The following STAU2 variants were observed in gnomAD, a reference collection of about 807,000 sequenced individuals.
The protein encoded by STAU2 is double-stranded RNA-binding protein Staufen homolog 2.
A neutral mutation model predicts 65.9 loss-of-function variants in STAU2; 20 were observed. The observed-to-expected ratio is 0.30, with a 90% CI of 0.21 to 0.44. The LOEUF (loss-of-function observed/expected upper bound fraction) is 0.44, where lower values mean the gene tolerates loss of function less well. STAU2 is among the 20% of genes least tolerant of loss of function. The probability of loss-of-function intolerance (pLI) is 1.00; values close to 1 mark genes in which losing one functional copy is unlikely to be tolerated. For missense variants in STAU2, 558 were observed against 683.9 expected (o/e 0.82, Z 2.05); for synonymous variants, 232 against 233.9 (o/e 0.99, Z 0.07).
intron 13 of STAU2, among the ~76,000 whole-genome samples, chr8:73,499,570 G>A (rs1352187445): frequency 2.0e-5 from 3 of 151,864 alleles, no homozygotes; most frequent in African/African-American, 4.8e-5. Flanking sequence ...TAGGACAAGG[G>A]TGACTGTGGC....
chr8:73,564,465 A>G (rs958097272), intron 12 of STAU2, among the ~76,000 whole-genome samples: 4 of 152,098 alleles, frequency 2.6e-5, no homozygotes, highest in Non-Finnish European at 5.9e-5. Context: ...AGAGGGGAAT[A>G]ACACACACTG....
intron 6 of STAU2, among the ~76,000 whole-genome samples, chr8:73,659,733 C>G (rs1382562706): frequency 6.6e-6 from 1 of 152,004 alleles, no homozygotes; most frequent in Non-Finnish European, 1.5e-5. Flanking sequence ...TAAAACTAGC[C>G]TCAAATAAAA....
intron 13 of STAU2, chr8:73,549,752 T>C (rs902625225): frequency 6.1e-6 from 6 of 985,678 alleles, no homozygotes; most frequent in East Asian, 1.1e-4. Flanking sequence ...ATCTGTTCAG[T>C]GTGCAATAAA....
At position 73,509,439 on chromosome 8, in the gene STAU2, C is replaced by A. The variant is rs557165794; in HGVS notation, c.1530+42573G>T. Among the ~76,000 whole-genome samples, 13 of 152,090 alleles carry A rather than the reference C, an allele frequency of 8.5e-5. No individual in the cohort carries two copies. The East Asian group carries it at 2.5e-3, about 29-fold the overall frequency. On this transcript the variant is annotated intron_variant, in intron 13 of 14. Transcript: ENST00000524300. ...GTAAATATTTTCCTCTAATCTGTGGCTTTTTAAAAAACATTTTATTTTAAA... is the reference window on the plus strand; with the variant it reads ...GTAAATATTTTCCTCTAATCTGTGGATTTTTAAAAAACATTTTATTTTAAA...
At chr8:73,687,325 T>TTATAATTTATATAA (rs1554563781) in intron 5 of STAU2, among the ~76,000 whole-genome samples, 1 of 114,818 alleles carries the variant, frequency 8.7e-6, no homozygotes, top group South Asian at 2.6e-4. Flanking sequence ...ATATTTATAT[T>TTATAATTTATATAA]TATAAATATA....
At chr8:73,670,525 T>C (rs888877794) in intron 6 of STAU2, 10 of 151,952 alleles carry the variant, frequency 6.6e-5, no homozygotes, top group African/African-American at 2.2e-4. Context: ...CTTCCTAGCA[T>C]AGAGAAAGCT....
At chr8:73,615,470 C>G (rs1329455297) in intron 8 of STAU2, among the ~76,000 whole-genome samples, 1 of 151,892 alleles carries the variant, frequency 6.6e-6, no homozygotes, top group African/African-American at 2.4e-5. Flanking sequence ...AGGCTTAATA[C>G]AGAAAAGAAA....
intron 5 of STAU2, among the ~76,000 whole-genome samples, chr8:73,684,671 C>A (rs1818667375): frequency 6.6e-6 from 1 of 152,116 alleles, no homozygotes; most frequent in Non-Finnish European, 1.5e-5. Flanking sequence ...AGTAAACACA[C>A]AACCCATAGA....
chr8:73,433,452 C>T (rs887686948), intron 13 of STAU2, among the ~76,000 whole-genome samples: 1 of 150,394 alleles, frequency 6.6e-6, no homozygotes, highest in African/African-American at 2.5e-5. Flanking sequence ...GATCCGCCCA[C>T]CTCGGCCTCC....
chr8:73,455,634 A>G (rs1819022617), intron 13 of STAU2, among the ~76,000 whole-genome samples: 1 of 152,124 alleles, frequency 6.6e-6, no homozygotes, highest in African/African-American at 2.4e-5. Flanking sequence ...CCCTATCCTT[A>G]AAAGGCCCTA....
upstream of STAU2, chr8:73,747,291 C>T (rs1807357389): frequency 1.4e-5 from 20 of 1,426,318 alleles, no homozygotes; most frequent in South Asian, 2.4e-4. Context: ...CTGGGGCAGC[C>T]CCTTCCACAC....
chr8:73,543,599 G>C (rs776637051), intron 13 of STAU2, among the ~76,000 whole-genome samples: 68 of 152,106 alleles, frequency 4.5e-4, no homozygotes, highest in Admixed American at 3.1e-3. Context: ...GTGTTTATCT[G>C]CCCTTGCACC....
intron 13 of STAU2, among the ~76,000 whole-genome samples, chr8:73,466,436 A>G (rs562517850): frequency 5.3e-5 from 8 of 152,344 alleles, no homozygotes; most frequent in African/African-American, 1.7e-4. Flanking sequence ...GAAGGTTTCT[A>G]GGCAGGATGA....
intron 13 of STAU2, among the ~76,000 whole-genome samples, chr8:73,436,850 G>A (rs1007624358): frequency 4.0e-4 from 61 of 152,072 alleles, no homozygotes; most frequent in Admixed American, 4.0e-3. Context: ...ACCTCCCAAA[G>A]TGCTGGGATT....
chr8:73,717,449 C>T (rs1317845086), intron 3 of STAU2, among the ~76,000 whole-genome samples: 3 of 152,152 alleles, frequency 2.0e-5, no homozygotes, highest in African/African-American at 4.8e-5. Flanking sequence ...TCCTATACAG[C>T]GCAAGGTATG....
intron 13 of STAU2, among the ~76,000 whole-genome samples, chr8:73,518,982 A>C (rs560700757): frequency 6.6e-6 from 1 of 152,298 alleles, no homozygotes; most frequent in African/African-American, 2.4e-5. Flanking sequence ...GCAAACATTA[A>C]AGTTGATGTT....
intron 13 of STAU2, among the ~76,000 whole-genome samples, chr8:73,544,714 C>T (rs554376687): frequency 2.0e-5 from 3 of 152,272 alleles, no homozygotes; most frequent in African/African-American, 7.2e-5. Flanking sequence ...AACCACACTT[C>T]GAGTTAACAT....
chr8:73,620,317 T>C (rs1040599975), intron 6 of STAU2, among the ~76,000 whole-genome samples: 6 of 152,192 alleles, frequency 3.9e-5, no homozygotes, highest in African/African-American at 1.4e-4. Context: ...AGAGCAAATG[T>C]TTACAATTAA....
At chr8:73,539,599 T>C (rs1006083954) in intron 13 of STAU2, among the ~76,000 whole-genome samples, 3 of 152,146 alleles carry the variant, frequency 2.0e-5, no homozygotes, top group African/African-American at 7.2e-5. Context: ...TCCCAGCACT[T>C]TGGGAGGCCA....
Sources: gnomAD v4.1 joint callset for allele counts (sites outside exome capture counted in the v4.1 genomes callset) on GRCh38, gnomAD v4.1.1 for gene constraint, MANE v1.5 for transcripts, NCBI Gene and HGNC (gene_info 2026-07-23, HGNC 2026-07-21) for gene names.